PTPRK: variants seen among roughly 807,000 people sequenced by gnomAD.
PTPRK encodes the protein receptor-type tyrosine-protein phosphatase kappa.
PTPRK carries 75 observed loss-of-function variants against 178.0 expected under a neutral mutation model. The observed-to-expected ratio is 0.42, with a 90% CI of 0.35 to 0.51. The LOEUF (loss-of-function observed/expected upper bound fraction) is 0.51. PTPRK is among the 20% of genes least tolerant of loss of function. The pLI, the probability that PTPRK is intolerant of heterozygous loss-of-function variation, is 0.02. For missense variants in PTPRK, 1,441 were observed against 1,797.8 expected (o/e 0.80, Z 3.59); for synonymous variants, 637 against 620.6 (o/e 1.03, Z -0.39).
chr6:128,409,141 G>T (rs934180762), intron 1 of PTPRK, among the ~76,000 whole-genome samples: 1 of 152,264 alleles, frequency 6.6e-6, no homozygotes, highest in African/African-American at 2.4e-5. Flanking sequence ...AATAAACACA[G>T]GGAAACTACT....
chr6:128,447,690 T>C (rs898804569), intron 1 of PTPRK, among the ~76,000 whole-genome samples: 1 of 151,710 alleles, frequency 6.6e-6, no homozygotes, highest in Non-Finnish European at 1.5e-5. Context: ...AATGGCACGA[T>C]CTTGGCTCAC....
Position 128,187,159 on chromosome 6 carries a change from A to G in PTPRK, c.869-2434T>C, listed in dbSNP as rs527640914. The stretch of plus-strand genomic sequence containing the variant: ...TCAAATGGTAAATCTCACCAATCAA[A>G]ACTCTGCACACTCTTGCTATGGAAA... On this transcript the variant is annotated intron_variant, in intron 6 of 29. Coordinates refer to ENST00000368226, the MANE Select transcript of PTPRK (RefSeq NM_002844.4). Among the ~76,000 whole-genome samples, 15 of 152,208 alleles carry G rather than the reference A, an allele frequency of 9.9e-5. No homozygotes were observed. The East Asian group carries it at 2.5e-3, about 25-fold the overall frequency.
intron 1 of PTPRK, among the ~76,000 whole-genome samples, chr6:128,410,502 CAT>C (rs1269547558): frequency 5.3e-5 from 8 of 152,132 alleles, no homozygotes; most frequent in Admixed American, 5.2e-4. Flanking sequence ...TTGGCAATAA[CAT>C]AGTCATGTTT....
intron 1 of PTPRK, among the ~76,000 whole-genome samples, chr6:128,443,142 A>T (rs1383207189): frequency 1.3e-5 from 2 of 152,204 alleles, no homozygotes; most frequent in Non-Finnish European, 2.9e-5. Flanking sequence ...AGACAGGAAC[A>T]CTGAGGTCAT....
chr6:128,359,485 C>T (rs1834423033), intron 2 of PTPRK, among the ~76,000 whole-genome samples: 1 of 152,046 alleles, frequency 6.6e-6, no homozygotes, highest in Non-Finnish European at 1.5e-5. Context: ...GACGCAGTGG[C>T]TCACGCCTGT....
chr6:128,305,140 AT>A (rs1374246456), intron 3 of PTPRK, among the ~76,000 whole-genome samples: 1 of 152,200 alleles, frequency 6.6e-6, no homozygotes, highest in Non-Finnish European at 1.5e-5. Context: ...TTTTTACTAG[AT>A]TTTTGAAGAA....
intron 2 of PTPRK, among the ~76,000 whole-genome samples, chr6:128,355,951 CT>C (rs1833900753): frequency 6.6e-6 from 1 of 152,144 alleles, no homozygotes; most frequent in African/African-American, 2.4e-5. Context: ...CCATCCTTTT[CT>C]GAAATTGTTA....
chr6:128,291,047 C>T (rs371887415), intron 3 of PTPRK, among the ~76,000 whole-genome samples: 1 of 151,994 alleles, frequency 6.6e-6, no homozygotes, highest in East Asian at 1.9e-4. Flanking sequence ...TGTTACATGG[C>T]AAGGAGGAAT....
intron 1 of PTPRK, among the ~76,000 whole-genome samples, chr6:128,405,772 A>T (rs1490660698): frequency 6.6e-6 from 1 of 151,658 alleles, no homozygotes; most frequent in Non-Finnish European, 1.5e-5. Context: ...TTTTTTTATG[A>T]AGGGACGTAA....
At chr6:128,140,301 T>C (rs886417706) in intron 7 of PTPRK, among the ~76,000 whole-genome samples, 4 of 152,106 alleles carry the variant, frequency 2.6e-5, no homozygotes, top group African/African-American at 4.8e-5. Context: ...AGAGAATTTG[T>C]ACAAGTGGCC....
chr6:128,079,772 A>G (rs1265702930), intron 10 of PTPRK, among the ~76,000 whole-genome samples: 1 of 152,112 alleles, frequency 6.6e-6, no homozygotes, highest in Non-Finnish European at 1.5e-5. Context: ...GTAGGAATTC[A>G]CATTTTATGA....
intron 2 of PTPRK, among the ~76,000 whole-genome samples, chr6:128,327,235 G>A (rs987979725): frequency 1.3e-5 from 2 of 151,996 alleles, no homozygotes; most frequent in African/African-American, 4.8e-5. Flanking sequence ...TGGATCAATA[G>A]CAAAGAAAAT....
intron 13 of PTPRK, among the ~76,000 whole-genome samples, chr6:128,032,338 T>C (rs1775483108): frequency 1.3e-5 from 2 of 152,258 alleles, no homozygotes; most frequent in South Asian, 4.1e-4. Flanking sequence ...GGCATCTGGT[T>C]GTGTGTGAAG....
intron 1 of PTPRK, among the ~76,000 whole-genome samples, chr6:128,496,477 A>T (rs1313508708): frequency 6.6e-5 from 10 of 152,212 alleles, no homozygotes; most frequent in Non-Finnish European, 1.5e-4. Flanking sequence ...GTTAGCATTT[A>T]ATGAATATTT....
At chr6:127,999,336 G>A (rs537630732) in intron 15 of PTPRK, among the ~76,000 whole-genome samples, 1 of 152,004 alleles carries the variant, frequency 6.6e-6, no homozygotes, top group South Asian at 2.1e-4. Flanking sequence ...ACCCGATCTA[G>A]GTGACCCATC....
intron 13 of PTPRK, among the ~76,000 whole-genome samples, chr6:128,024,595 G>A (rs1774004379): frequency 6.6e-6 from 1 of 152,014 alleles, no homozygotes; most frequent in African/African-American, 2.4e-5. Flanking sequence ...GATCACTTGA[G>A]GTCAGGAGTT....
chr6:128,331,455 GT>G (rs916639752), intron 2 of PTPRK, among the ~76,000 whole-genome samples: 8 of 148,504 alleles, frequency 5.4e-5, no homozygotes, highest in African/African-American at 9.9e-5. Context: ...TTTAAGTATT[GT>G]TTTTTTTTCA....
intron 3 of PTPRK, among the ~76,000 whole-genome samples, chr6:128,307,144 G>A (rs1170810388): frequency 2.3e-5 from 3 of 133,314 alleles, no homozygotes; most frequent in African/African-American, 1.0e-4. Flanking sequence ...AAGGCTCAGA[G>A]CTCAGAAGAA....
chr6:128,039,901 C>T (rs141814909), intron 13 of PTPRK, among the ~76,000 whole-genome samples: 5 of 152,216 alleles, frequency 3.3e-5, no homozygotes, highest in African/African-American at 9.6e-5. Context: ...CAATATTTAG[C>T]GCCTGGTGGA....
Sources: allele counts gnomAD v4.1 joint callset (sites outside exome capture counted in the v4.1 genomes callset), GRCh38; gene constraint gnomAD v4.1.1; transcripts MANE v1.5; gene names NCBI Gene and HGNC (gene_info 2026-07-23, HGNC 2026-07-21).